Variants in GFRA1 observed in about 807,000 individuals in gnomAD.
GFRA1 encodes GDNF family receptor alpha 1.
GFRA1 carries 16 observed loss-of-function variants against 51.6 expected under a neutral mutation model. That is an observed-to-expected ratio of 0.31 (90% CI 0.21 to 0.47). GFRA1 has a LOEUF of 0.47. GFRA1 is among the 20% of genes least tolerant of loss of function. The pLI is 1.00. For synonymous variants in GFRA1, 270 were observed against 241.3 expected (o/e 1.12, Z -1.10); for missense variants, 530 against 594.3 (o/e 0.89, Z 1.13).
chr10:116,139,341 C>A (rs1450497095), intron 5 of GFRA1, among the ~76,000 whole-genome samples: 1 of 152,140 alleles, frequency 6.6e-6, no homozygotes, highest in African/African-American at 2.4e-5. Context: ...TGAGAACAAG[C>A]CTAGCATCCA....
chr10:116,096,569 C>G lies in GFRA1; in HGVS notation c.880+86G>C, dbSNP rs1196010303. ...AGAGGTTACTGTGAGATTTTCACTTCTGCAGACATCAGCAAGGCGCAATGG... is the reference window on the plus strand; with the variant it reads ...AGAGGTTACTGTGAGATTTTCACTTGTGCAGACATCAGCAAGGCGCAATGG... On this transcript the variant is annotated intron_variant, in intron 7 of 10. Transcript: ENST00000355422. 1.3e-5 allele frequency: 10 copies of G among 761,942 alleles called. No homozygotes were observed. The Admixed American group carries it at 1.6e-4, about 12-fold the overall frequency. 47.2% of individuals were successfully genotyped at this position (761,942 alleles called of 1,614,324 possible).
intron 5 of GFRA1, among the ~76,000 whole-genome samples, chr10:116,195,538 C>T (rs1963660690): frequency 6.6e-6 from 1 of 152,180 alleles, no homozygotes; most frequent in East Asian, 1.9e-4. Context: ...CGGGTTCATG[C>T]TCTTATATGA....
intron 4 of GFRA1, among the ~76,000 whole-genome samples, chr10:116,245,869 G>C (rs1231771423): frequency 1.3e-5 from 2 of 152,116 alleles, no homozygotes; most frequent in Non-Finnish European, 2.9e-5. Flanking sequence ...TCACATTCTG[G>C]AAAAAGAAAA....
chr10:116,117,597 A>ATGGATGGG lies in GFRA1; in HGVS notation c.770+7623_770+7624insCCCATCCA, dbSNP rs1957476716. Among the ~76,000 whole-genome samples the ATGGATGGG allele has an allele frequency of 5.3e-5, 6 of 112,368 alleles. No individual in the cohort carries two copies. In the South Asian group the frequency reaches 8.7e-4, roughly 16 times the overall value. 73.7% of individuals were successfully genotyped at this position (112,368 alleles called of 152,430 possible). A position where few individuals can be genotyped will look rare whatever the true frequency, so the allele number is the denominator to read the frequency against. On this transcript the variant is annotated intron_variant, in intron 6 of 10. Transcript: ENST00000355422. ...GATGGATGGATGGATGGATGGATGG[A>ATGGATGGG]TGGGTGGATGGGTGGATGGATAGAT...
intron 9 of GFRA1, among the ~76,000 whole-genome samples, chr10:116,078,878 T>A (rs920618756): frequency 5.9e-5 from 9 of 152,172 alleles, no homozygotes; most frequent in Admixed American, 3.9e-4. Flanking sequence ...TTAGATTCTA[T>A]GCCTGTGCTA....
chr10:116,076,349 TC>T (rs1227001214), intron 9 of GFRA1, among the ~76,000 whole-genome samples: 2 of 151,878 alleles, frequency 1.3e-5, no homozygotes, highest in African/African-American at 4.8e-5. Context: ...CTTACATTGT[TC>T]CCAAGGAACA....
At chr10:116,130,512 A>G (rs998127086) in intron 5 of GFRA1, among the ~76,000 whole-genome samples, 1 of 152,140 alleles carries the variant, frequency 6.6e-6, no homozygotes, top group African/African-American at 2.4e-5. Flanking sequence ...AAGGTTTACT[A>G]TAAAGCTTAA....
intron 4 of GFRA1, among the ~76,000 whole-genome samples, chr10:116,234,646 A>G (rs1276403443): frequency 6.6e-6 from 1 of 152,216 alleles, no homozygotes; most frequent in African/African-American, 2.4e-5. Context: ...TACATTACAT[A>G]TATACAAAAA....
intron 5 of GFRA1, among the ~76,000 whole-genome samples, chr10:116,150,588 A>C (rs1959021731): frequency 6.6e-6 from 1 of 152,228 alleles, no homozygotes; most frequent in African/African-American, 2.4e-5. Flanking sequence ...GTTTACCCTG[A>C]GATAACTTTG....
intron 5 of GFRA1, among the ~76,000 whole-genome samples, chr10:116,160,153 C>G (rs1233479042): frequency 4.6e-5 from 7 of 152,102 alleles, no homozygotes; most frequent in Non-Finnish European, 7.4e-5. Flanking sequence ...TGGTTTTTGT[C>G]TTTTGGTTTT....
intron 5 of GFRA1, among the ~76,000 whole-genome samples, chr10:116,182,678 C>T (rs1362934995): frequency 4.6e-5 from 7 of 152,194 alleles, no homozygotes; most frequent in East Asian, 1.9e-4. Context: ...TTTCTAGAAG[C>T]GCTAGAAATC....
At chr10:116,136,901 T>C (rs1279413556) in intron 5 of GFRA1, among the ~76,000 whole-genome samples, 1 of 152,110 alleles carries the variant, frequency 6.6e-6, no homozygotes, top group African/African-American at 2.4e-5. Flanking sequence ...GGAATGAATA[T>C]ATGTAAGGAT....
chr10:116,119,068 G>A (rs1224943049), intron 6 of GFRA1, among the ~76,000 whole-genome samples: 1 of 152,224 alleles, frequency 6.6e-6, no homozygotes, highest in African/African-American at 2.4e-5. Context: ...ACCTCTGAGA[G>A]CCCGAGCTGA....
intron 4 of GFRA1, among the ~76,000 whole-genome samples, chr10:116,225,921 C>CCTGTGCTGTTGCTATATTTTGAA (rs1179524436): frequency 6.6e-6 from 1 of 152,130 alleles, no homozygotes; most frequent in Non-Finnish European, 1.5e-5. Context: ...ATTAATTTCA[C>CCTGTGCTGTTGCTATATTTTGAA]CTGTGCTGTT....
At chr10:116,231,792 T>C (rs1274212325) in intron 4 of GFRA1, among the ~76,000 whole-genome samples, 2 of 152,222 alleles carry the variant, frequency 1.3e-5, no homozygotes, top group Admixed American at 6.5e-5. Context: ...TAATGCTCTG[T>C]GACAGGCATT....
chr10:116,182,207 T>C (rs1258254287), intron 5 of GFRA1, among the ~76,000 whole-genome samples: 1 of 151,744 alleles, frequency 6.6e-6, no homozygotes, highest in Non-Finnish European at 1.5e-5. Flanking sequence ...CTGTCCCTTG[T>C]ACAGTGCAAT....
chr10:116,103,742 T>C (rs575253825), intron 6 of GFRA1, among the ~76,000 whole-genome samples: 1 of 152,234 alleles, frequency 6.6e-6, no homozygotes, highest in Non-Finnish European at 1.5e-5. Context: ...TTGTCTGGTA[T>C]AGTGACACAA....
intron 5 of GFRA1, among the ~76,000 whole-genome samples, chr10:116,136,276 C>A (rs1439809424): frequency 6.6e-6 from 1 of 152,234 alleles, no homozygotes; most frequent in East Asian, 1.9e-4. Context: ...ACTTCAACTA[C>A]AGGAAAAGAT....
At chr10:116,135,311 T>C (rs1958276813) in intron 5 of GFRA1, among the ~76,000 whole-genome samples, 1 of 152,230 alleles carries the variant, frequency 6.6e-6, no homozygotes, top group Non-Finnish European at 1.5e-5. Context: ...CATACAATGA[T>C]CAACTATAAA....
Sources: gnomAD v4.1 joint callset for allele counts (sites outside exome capture counted in the v4.1 genomes callset) on GRCh38, gnomAD v4.1.1 for gene constraint, MANE v1.5 for transcripts, NCBI Gene and HGNC (gene_info 2026-07-23, HGNC 2026-07-21) for gene names.